NXN: variants seen among roughly 807,000 people sequenced by gnomAD.
NXN encodes nucleoredoxin.
Under a neutral mutation model 48.6 loss-of-function variants are expected in NXN, and 16 were observed. The ratio of observed to expected loss-of-function variants is 0.33; its 90% CI spans 0.22 to 0.50. The LOEUF (loss-of-function observed/expected upper bound fraction) is 0.50, where lower values mean the gene tolerates loss of function less well. Ranked by LOEUF, NXN falls within the 20% of genes least tolerant of loss-of-function variation. The pLI is 0.98. For missense variants in NXN, 492 were observed against 605.5 expected (o/e 0.81, Z 1.97); for synonymous variants, 281 against 269.6 (o/e 1.04, Z -0.41).
At chr17:812,007 A>C (rs1445091554) in intron 5 of NXN, among the ~76,000 whole-genome samples, 1 of 141,988 alleles carries the variant, frequency 7.0e-6, no homozygotes, top group African/African-American at 2.7e-5. Context: ...GGCTCACTGC[A>C]AGCTCCGTCT....
Position 849,632 on chromosome 17 carries a change from C to T in NXN, c.361-23554G>A, listed in dbSNP as rs1023165523. On this transcript the variant is annotated intron_variant, in intron 1 of 7. Coordinates refer to ENST00000336868, the MANE Select transcript of NXN (RefSeq NM_022463.5). The surrounding 1 kb of genome is among the most constrained non-coding windows in gnomAD (Gnocchi z 4.2). ...CTGGACTCCCTCTTCCCTCCCTCCACGTCCTTGTCCTCTGGCGGCCAGCTG... is the reference window on the plus strand; with the variant it reads ...CTGGACTCCCTCTTCCCTCCCTCCATGTCCTTGTCCTCTGGCGGCCAGCTG... Among the ~76,000 whole-genome samples, 35 of 152,342 alleles carry T rather than the reference C, an allele frequency of 2.3e-4. No homozygotes were observed. Among genetic ancestry groups the T allele is most frequent in the African/African-American group, 5.5e-4 (23 of 41,570 alleles).
At chr17:824,850 G>A (rs1913010005) in intron 2 of NXN, among the ~76,000 whole-genome samples, 1 of 152,182 alleles carries the variant, frequency 6.6e-6, no homozygotes, top group Admixed American at 6.5e-5. Context: ...GGCTGGGAAG[G>A]AGGAGCACAG....
rs376655764 is a variant in NXN at position 827,480 on chromosome 17, G to A, written c.361-1402C>T. On this transcript the variant is annotated intron_variant, in intron 1 of 7. Coordinates refer to ENST00000336868, the MANE Select transcript of NXN (RefSeq NM_022463.5). ...TACTAAAAATTACAAAAAATTAGCCGGGCGTGGTGGCGGGCGCCTGTAGTC... is the reference window on the plus strand; with the variant it reads ...TACTAAAAATTACAAAAAATTAGCCAGGCGTGGTGGCGGGCGCCTGTAGTC... Among the ~76,000 whole-genome samples, 18 of 152,266 alleles carry A rather than the reference G, an allele frequency of 1.2e-4. No homozygotes were observed. The East Asian group carries it at 1.7e-3, about 15-fold the overall frequency.
intron 1 of NXN, among the ~76,000 whole-genome samples, chr17:973,366 G>T (rs2069414864): frequency 6.6e-6 from 1 of 152,198 alleles, no homozygotes. Context: ...CCAGAGTTAA[G>T]CAAACAGGGT....
intron 1 of NXN, among the ~76,000 whole-genome samples, chr17:928,427 C>T (rs2360111): frequency 0.35 from 52,809 of 152,050 alleles, 9,869 homozygotes; most frequent in East Asian, 0.47. Flanking sequence ...CACCACACCC[C>T]TGAAGCTTGG....
Position 825,895 on chromosome 17 carries a change from G to GC in NXN, c.478+65dup. Reference sequence around the variant, plus strand: ...CTCTCCACCGGTGGGACGGAGATTAGCCTAAGGGCATGGAGGAGGGAGGGC... The same window carrying GC: ...CTCTCCACCGGTGGGACGGAGATTAGCCCTAAGGGCATGGAGGAGGGAGGGC... On this transcript the variant is annotated intron_variant, in intron 2 of 7. Coordinates refer to ENST00000336868, the MANE Select transcript of NXN (RefSeq NM_022463.5). This position sits in a 1 kb window ranked among gnomAD's most constrained non-coding sequence, Gnocchi z 4.1. 1 of 1,027,006 alleles carries GC rather than the reference G, an allele frequency of 9.7e-7. No homozygotes were observed. Among genetic ancestry groups the GC allele is most frequent in the East Asian group, 2.4e-5 (1 of 42,172 alleles). 63.6% of individuals were successfully genotyped at this position (1,027,006 alleles called of 1,614,324 possible).
chr17:912,963 G>C (rs1387736849), intron 1 of NXN, among the ~76,000 whole-genome samples: 1 of 151,868 alleles, frequency 6.6e-6, no homozygotes, highest in Non-Finnish European at 1.5e-5. Flanking sequence ...GGAGAAAAGA[G>C]AAAGGAAAGG....
chr17:885,830 G>A (rs1372637881), intron 1 of NXN, among the ~76,000 whole-genome samples: 3 of 147,786 alleles, frequency 2.0e-5, no homozygotes, highest in South Asian at 2.2e-4. Context: ...ACAGGCGCCC[G>A]CCACCACGCC....
intron 1 of NXN, among the ~76,000 whole-genome samples, chr17:952,834 C>A (rs11870557): frequency 9.0e-6 from 1 of 110,752 alleles, no homozygotes; most frequent in Non-Finnish European, 1.8e-5. Flanking sequence ...TGGAGTCAGA[C>A]AGACCAAGGT....
At chr17:851,746 T>G (rs919337873) in intron 1 of NXN, among the ~76,000 whole-genome samples, 2 of 152,228 alleles carry the variant, frequency 1.3e-5, no homozygotes, top group Admixed American at 1.3e-4. Flanking sequence ...GAAAGGAAAC[T>G]TTATATTGCT....
chr17:853,737 T>C (rs1262150122), intron 1 of NXN, among the ~76,000 whole-genome samples: 1 of 136,702 alleles, frequency 7.3e-6, no homozygotes, highest in South Asian at 2.3e-4. Context: ...TTTTTTTTTT[T>C]TCCAAGACGG....
rs2068399387 is a variant in NXN, at chr17:890,084, CTTAA to C, written c.361-64010_361-64007del. On this transcript the variant is annotated intron_variant, in intron 1 of 7. Transcript: ENST00000336868. ...AGTCAACACCTCATGTGTAAAGGAT[CTTAA>C]TTAAACAGTATCAAGCATGCCGGCG... Among the ~76,000 whole-genome samples the C allele has an allele frequency of 2.0e-5, 3 of 152,130 alleles. No homozygotes were observed. The South Asian group carries it at 6.2e-4, about 32-fold the overall frequency.
intron 5 of NXN, among the ~76,000 whole-genome samples, chr17:809,906 T>A (rs75177393): frequency 8.1e-6 from 1 of 124,150 alleles, no homozygotes; most frequent in Non-Finnish European, 1.8e-5. Flanking sequence ...TCCCTGTGAG[T>A]GCCGTGCACG....
chr17:883,033 C>T (rs1013831872), intron 1 of NXN, among the ~76,000 whole-genome samples: 3 of 152,154 alleles, frequency 2.0e-5, no homozygotes, highest in Non-Finnish European at 4.4e-5. Context: ...GGATTACAGG[C>T]GTGAGCCCCC....
chr17:872,307 GGAGA>G lies in NXN; in HGVS notation c.361-46233_361-46230del, dbSNP rs145558544. Among the ~76,000 whole-genome samples, 20 of 147,856 alleles carry G rather than the reference GGAGA, an allele frequency of 1.4e-4. No individual in the cohort carries two copies. The East Asian group carries it at 3.0e-3, about 22-fold the overall frequency. On this transcript the variant is annotated intron_variant, in intron 1 of 7. Coordinates refer to ENST00000336868, the MANE Select transcript of NXN (RefSeq NM_022463.5). ...AGAGGAACACGTCAATCAAAGACTA[GGAGA>G]GAGAGAGAGAGAGAAACATCAAAGA... is the stretch of plus-strand genomic sequence containing the variant.
chr17:879,054 A>G (rs1276003532), intron 1 of NXN, among the ~76,000 whole-genome samples: 1 of 151,808 alleles, frequency 6.6e-6, no homozygotes, highest in Non-Finnish European at 1.5e-5. Context: ...AATCCCAGCT[A>G]CTCGGGAGGC....
chr17:839,805 A>AAAAAAAAAAAAAAAAAAAAAAAAAAAAAG (rs1567826433), intron 1 of NXN, among the ~76,000 whole-genome samples: 1 of 142,926 alleles, frequency 7.0e-6, no homozygotes, highest in Non-Finnish European at 1.5e-5. Flanking sequence ...GTTAAAAAAA[A>AAAAAAAAAAAAAAAAAAAAAAAAAAAAAG]AAAAAAAAAG....
chr17:868,225 A>G (rs2068113354), intron 1 of NXN, among the ~76,000 whole-genome samples: 1 of 151,834 alleles, frequency 6.6e-6, no homozygotes, highest in African/African-American at 2.4e-5. Flanking sequence ...TATCCGATCC[A>G]CCCTTCCCCG....
At chr17:909,098 C>CAAAAAAAAAAAAAAAAA (rs59822805) in intron 1 of NXN, among the ~76,000 whole-genome samples, 1 of 117,330 alleles carries the variant, frequency 8.5e-6, no homozygotes. Context: ...GACTTCGTCT[C>CAAAAAAAAAAAAAAAAA]AAAAAAAAAA....
Sources: allele counts gnomAD v4.1 joint callset (sites outside exome capture counted in the v4.1 genomes callset), GRCh38; gene constraint gnomAD v4.1.1; non-coding constraint Gnocchi (gnomAD v3.1); transcripts MANE v1.5; gene names NCBI Gene and HGNC (gene_info 2026-07-23, HGNC 2026-07-21).